The following PTPRK variants were observed in gnomAD, a reference collection of about 807,000 sequenced individuals.
PTPRK encodes receptor-type tyrosine-protein phosphatase kappa.
PTPRK carries 75 observed loss-of-function variants against 178.0 expected under a neutral mutation model. The observed-to-expected ratio is 0.42, with a 90% CI of 0.35 to 0.51. PTPRK has a LOEUF of 0.51. PTPRK is among the 20% of genes least tolerant of loss of function. The probability of loss-of-function intolerance (pLI) is 0.02; values close to 1 mark genes in which losing one functional copy is unlikely to be tolerated. For missense variants in PTPRK, 1,441 were observed against 1,797.8 expected (o/e 0.80, Z 3.59); for synonymous variants, 637 against 620.6 (o/e 1.03, Z -0.39).
intron 21 of PTPRK, among the ~76,000 whole-genome samples, chr6:127,988,179 A>G (rs1294087518): frequency 6.6e-6 from 1 of 151,436 alleles, no homozygotes; most frequent in African/African-American, 2.4e-5. Flanking sequence ...ATGTGTGTGC[A>G]TGGGGAAGAG....
chr6:128,239,845 GT>G (rs1814063321), intron 5 of PTPRK, among the ~76,000 whole-genome samples, 189 bp downstream of exon 5: 1 of 152,146 alleles, frequency 6.6e-6, no homozygotes, highest in South Asian at 2.1e-4. Flanking sequence ...TTGCTCATGT[GT>G]TTTATTTCAG....
At chr6:127,995,279 C>A (rs202228755) in intron 18 of PTPRK, 183 bp downstream of exon 18, 1 of 1,607,038 alleles carries the variant, frequency 6.2e-7, no homozygotes, top group East Asian at 2.2e-5. Context: ...ACAGCCCAAA[C>A]CAAAGTCAGG....
intron 13 of PTPRK, among the ~76,000 whole-genome samples, chr6:128,038,508 C>T (rs748191687): frequency 1.3e-5 from 2 of 152,134 alleles, no homozygotes; most frequent in Admixed American, 1.3e-4. Flanking sequence ...GTTCTTATAA[C>T]TTCTAGAGAT....
chr6:128,357,163 T>G (rs756035336), intron 2 of PTPRK, among the ~76,000 whole-genome samples: 5 of 152,180 alleles, frequency 3.3e-5, no homozygotes, highest in Non-Finnish European at 7.3e-5. Flanking sequence ...GATAAAATTT[T>G]TCTCCTTCAC....
At chr6:128,371,325 T>C (rs974540777) in intron 2 of PTPRK, among the ~76,000 whole-genome samples, 12 of 152,360 alleles carry the variant, frequency 7.9e-5, no homozygotes, top group Non-Finnish European at 1.8e-4. Context: ...AACAACACTT[T>C]TATTGCCAAG....
At chr6:128,178,556 A>T (rs1021500654) in intron 7 of PTPRK, among the ~76,000 whole-genome samples, 7 of 151,904 alleles carry the variant, frequency 4.6e-5, no homozygotes, top group African/African-American at 1.7e-4. Flanking sequence ...AAATCCCCTT[A>T]TAAAAGTAAC....
At chr6:128,314,768 G>A (rs955415298) in intron 3 of PTPRK, among the ~76,000 whole-genome samples, 2 of 151,500 alleles carry the variant, frequency 1.3e-5, no homozygotes, top group African/African-American at 4.9e-5. Flanking sequence ...ATTAAACACA[G>A]GTCAAATGAG....
At chr6:128,127,066 T>C (rs965807681) in intron 7 of PTPRK, among the ~76,000 whole-genome samples, 3 of 152,176 alleles carry the variant, frequency 2.0e-5, no homozygotes, top group Non-Finnish European at 2.9e-5. Flanking sequence ...TTGGATCATC[T>C]TTGTGTCTTT....
rs139172638 is a variant in PTPRK, at chr6:128,107,333, A to T, written c.1163-17341T>A. Among the ~76,000 whole-genome samples, 110 of 152,220 alleles carry T rather than the reference A, an allele frequency of 7.2e-4. 1 individual carries two copies. Among genetic ancestry groups the T allele is most frequent in the African/African-American group, 2.6e-3 (109 of 41,552 alleles). ...TCACCTTTTCCTTTTCTTCTTTTAC[A>T]TGCTTTGAGAACACATTGTTTGTAT... On this transcript the variant is annotated intron_variant, in intron 7 of 29. Coordinates refer to ENST00000368226, the MANE Select transcript of PTPRK (RefSeq NM_002844.4).
intron 13 of PTPRK, among the ~76,000 whole-genome samples, chr6:128,014,152 A>G (rs1229046068): frequency 1.3e-5 from 2 of 151,618 alleles, no homozygotes; most frequent in Non-Finnish European, 3.0e-5. Flanking sequence ...AAACACAAGG[A>G]TGTCTCTGAT....
At chr6:128,376,948 C>T (rs1416658969) in intron 2 of PTPRK, among the ~76,000 whole-genome samples, 2 of 152,160 alleles carry the variant, frequency 1.3e-5, no homozygotes, top group Non-Finnish European at 2.9e-5. Flanking sequence ...ATTTCATTGT[C>T]GATATCATTA....
intron 3 of PTPRK, among the ~76,000 whole-genome samples, chr6:128,259,952 T>C (rs780089099): frequency 3.3e-5 from 5 of 152,156 alleles, no homozygotes; most frequent in Non-Finnish European, 7.4e-5. Flanking sequence ...CGTAATTTCA[T>C]AGGAAAGGCC....
In PTPRK at chr6:128,139,166, A is replaced by C. The variant is rs145758154; in HGVS notation, c.1162+45266T>G. On this transcript the variant is annotated intron_variant, in intron 7 of 29. Transcript: ENST00000368226. ...CAGTGGGAGGCAAAATTAGATGGAC[A>C]GAGAACAACAACATTATGGAGAACG... Among the ~76,000 whole-genome samples, 945 of 152,212 alleles carry C rather than the reference A, an allele frequency of 6.2e-3. 18 individuals are homozygous for C. The highest frequency in any genetic ancestry group is 0.022 in the African/African-American group (895 of 41,550).
At chr6:128,394,851 C>A (rs1024331503) in intron 2 of PTPRK, among the ~76,000 whole-genome samples, 2 of 152,038 alleles carry the variant, frequency 1.3e-5, no homozygotes, top group African/African-American at 2.4e-5. Context: ...TCTATTTATT[C>A]ATCCTTTTTT....
At chr6:128,135,078 TCACACACACACACACACA>T (rs34254716) in intron 7 of PTPRK, among the ~76,000 whole-genome samples, 1 of 136,276 alleles carries the variant, frequency 7.3e-6, no homozygotes, top group African/African-American at 2.8e-5. Flanking sequence ...AATCATTCAA[TCACACACACACACACACA>T]CACACACACA....
intron 7 of PTPRK, among the ~76,000 whole-genome samples, chr6:128,093,770 A>G (rs929464632): frequency 6.6e-6 from 1 of 151,954 alleles, no homozygotes; most frequent in African/African-American, 2.4e-5. Context: ...AAATTTTATT[A>G]CTATATACAG....
chr6:128,432,224 ACTT>A (rs1216415071), intron 1 of PTPRK, among the ~76,000 whole-genome samples: 1 of 152,266 alleles, frequency 6.6e-6, no homozygotes, highest in African/African-American at 2.4e-5. Flanking sequence ...GACTGTGATA[ACTT>A]CTTATTGTAC....
intron 3 of PTPRK, among the ~76,000 whole-genome samples, chr6:128,262,613 C>A (rs1562153358): frequency 2.6e-5 from 4 of 152,102 alleles, no homozygotes; most frequent in Non-Finnish European, 5.9e-5. Flanking sequence ...GAGAGAATGA[C>A]AGACACTGTC....
intron 5 of PTPRK, chr6:128,238,145 G>C: frequency 2.4e-6 from 1 of 417,934 alleles, no homozygotes; most frequent in South Asian, 1.8e-5. Context: ...ATGTCAAAGT[G>C]GAAGAGAAAT....
Sources: allele counts gnomAD v4.1 joint callset (sites outside exome capture counted in the v4.1 genomes callset), GRCh38; gene constraint gnomAD v4.1.1; transcripts MANE v1.5; gene names NCBI Gene and HGNC (gene_info 2026-07-23, HGNC 2026-07-21).